RBM27: variants seen among roughly 807,000 people sequenced by gnomAD.
RBM27 encodes RNA binding motif protein 27.
A neutral mutation model predicts 135.3 loss-of-function variants in RBM27; 22 were observed. The observed-to-expected ratio is 0.16, with a 90% confidence interval of 0.12 to 0.23. RBM27 has a LOEUF of 0.23. Ranked by LOEUF, RBM27 falls within the 10% of genes least tolerant of loss-of-function variation. The pLI, the probability that RBM27 is intolerant of heterozygous loss-of-function variation, is 1.00. For synonymous variants in RBM27, 481 were observed against 442.4 expected (o/e 1.09, Z -1.10); for missense variants, 1,009 against 1,281.0 (o/e 0.79, Z 3.24).
chr5:146,212,034 C>T (rs1271665927), intron 1 of RBM27, among the ~76,000 whole-genome samples: 1 of 151,968 alleles, frequency 6.6e-6, no homozygotes, highest in Non-Finnish European at 1.5e-5. Context: ...TTATAACCAT[C>T]ACTTTGGTTT....
chr5:146,261,566 G>T lies in RBM27; in HGVS notation c.1950G>T (p.Glu650Asp). ...AALIQYLTNE[E>D]ARKAISSTEA... Reference sequence around the variant, plus strand: ...TAATCCAATATCTTACCAATGAGGAGGCCAGGAAAGCCATTTCTAGCACAG... The same window carrying T: ...TAATCCAATATCTTACCAATGAGGATGCCAGGAAAGCCATTTCTAGCACAG... The change falls in exon 13 of 21, where the codon GAG (glutamate) becomes GAT (aspartate). Residue 650 changes from glutamate to aspartate, a missense_variant. This residue lies in a region of RBM27 where 34 missense variants were observed against 82.8 expected (regional missense o/e 0.41). Coordinates refer to ENST00000265271, the MANE Select transcript of RBM27 (RefSeq NM_018989.2). 6.2e-7 allele frequency: 1 copy of T among 1,614,186 alleles called. No homozygotes were observed. The highest frequency in any genetic ancestry group is 1.3e-5 in the African/African-American group (1 of 75,060).
intron 7 of RBM27, among the ~76,000 whole-genome samples, chr5:146,236,684 C>T (rs575409222): frequency 2.0e-5 from 3 of 151,040 alleles, no homozygotes; most frequent in Non-Finnish European, 3.0e-5. Context: ...AGTGCAGTGG[C>T]GTGATTTCGG....
intron 7 of RBM27, among the ~76,000 whole-genome samples, chr5:146,235,794 C>G (rs1350573677): frequency 6.6e-6 from 1 of 151,956 alleles, no homozygotes; most frequent in Non-Finnish European, 1.5e-5. Flanking sequence ...TTGAAGGGAT[C>G]CTCCCACCTC....
chr5:146,271,677 A>G lies in RBM27; in HGVS notation c.2988+3A>G, dbSNP rs570671775. ...AAGACTTGCTTCAGCATTTCTCAGT[A>G]AGTTTTTAAAATAGCAAATGCTAAC... On this transcript the variant is annotated splice_donor_region_variant and intron_variant, in intron 19 of 20. Transcript: ENST00000265271. 8.1e-6 allele frequency: 13 copies of G among 1,605,250 alleles called. No homozygotes were observed. The African/African-American group carries it at 1.2e-4, about 15-fold the overall frequency.
At chr5:146,284,925 C>T (rs1487610199) in intron 20 of RBM27, among the ~76,000 whole-genome samples, 193 bp downstream of exon 20, 2 of 151,998 alleles carry the variant, frequency 1.3e-5, no homozygotes, top group Non-Finnish European at 2.9e-5. Flanking sequence ...GGGTTATTTT[C>T]TTCTGATATA....
At position 146,271,333 on chromosome 5, in the gene RBM27, G is replaced by A. The variant is rs180848822; in HGVS notation, c.2797-150G>A. The stretch of plus-strand genomic sequence containing the variant: ...GAGAATAGCTTGAACCTGGGAGGCA[G>A]AGGTTGCAGTGAGCCGAGATCGTGC... On this transcript the variant is annotated intron_variant, in intron 18 of 20. Coordinates refer to ENST00000265271, the MANE Select transcript of RBM27 (RefSeq NM_018989.2). The A allele has an allele frequency of 7.3e-4, 518 of 712,410 alleles. 3 individuals are homozygous for A. The African/African-American group carries it at 8.3e-3, about 11-fold the overall frequency. 44.1% of individuals were successfully genotyped at this position (712,410 alleles called of 1,614,324 possible).
At chr5:146,254,731 T>A (rs1333237311) in intron 9 of RBM27, among the ~76,000 whole-genome samples, 2 of 152,190 alleles carry the variant, frequency 1.3e-5, no homozygotes, top group Non-Finnish European at 2.9e-5. Context: ...ACCACCACCC[T>A]GTTTTATATC....
intron 14 of RBM27, among the ~76,000 whole-genome samples, chr5:146,266,204 C>G (rs1181652999): frequency 2.0e-5 from 3 of 151,996 alleles, no homozygotes; most frequent in Non-Finnish European, 4.4e-5. Flanking sequence ...CTAGATCTAC[C>G]CACTAATTTA....
At chr5:146,239,146 A>C (rs534156664) in intron 8 of RBM27, among the ~76,000 whole-genome samples, 2 of 152,236 alleles carry the variant, frequency 1.3e-5, no homozygotes. Context: ...AAACCTTCAC[A>C]GGACTGACTC....
At chr5:146,213,750 C>T (rs1307487752) in intron 1 of RBM27, among the ~76,000 whole-genome samples, 4 of 151,998 alleles carry the variant, frequency 2.6e-5, no homozygotes, top group East Asian at 3.9e-4. Context: ...GTGTAATATA[C>T]GTGCAATAGA....
At chr5:146,266,950 A>G (rs1758641838) in intron 14 of RBM27, among the ~76,000 whole-genome samples, 1 of 152,136 alleles carries the variant, frequency 6.6e-6, no homozygotes, top group Admixed American at 6.6e-5. Flanking sequence ...AAGAAAGGAA[A>G]ACTTTAAAAA....
At chr5:146,228,904 T>G (rs1488194733) in intron 3 of RBM27, 42 bp from the exon 4 acceptor site, 2 of 1,546,400 alleles carry the variant, frequency 1.3e-6, no homozygotes, top group African/African-American at 2.7e-5. Flanking sequence ...TGAGCCACCG[T>G]GCCTGGCCCT....
At chr5:146,241,379 A>G (rs1757402118) in intron 8 of RBM27, among the ~76,000 whole-genome samples, 1 of 152,262 alleles carries the variant, frequency 6.6e-6, no homozygotes. Context: ...GCCAAGGTGA[A>G]TAAGATATTA....
At chr5:146,229,504 C>A (rs1425624351) in intron 4 of RBM27, among the ~76,000 whole-genome samples, 2 of 149,534 alleles carry the variant, frequency 1.3e-5, no homozygotes, top group African/African-American at 4.9e-5. Context: ...GGATTCACCT[C>A]TTTTTTTCAT....
rs929599076 is a variant in RBM27, at chr5:146,271,336, G to A, written c.2797-147G>A. On this transcript the variant is annotated intron_variant, in intron 18 of 20. Transcript: ENST00000265271. Reference sequence around the variant, plus strand: ...AATAGCTTGAACCTGGGAGGCAGAGGTTGCAGTGAGCCGAGATCGTGCCAT... The same window carrying A: ...AATAGCTTGAACCTGGGAGGCAGAGATTGCAGTGAGCCGAGATCGTGCCAT... The A allele has an allele frequency of 9.7e-6, 7 of 722,594 alleles. No homozygotes were observed. The African/African-American group carries it at 1.1e-4, about 11-fold the overall frequency. The allele number at this position is 722,594 out of a possible 1,614,324, so 44.8% of individuals were successfully genotyped here.
chr5:146,223,325 C>G, intron 2 of RBM27, 78 bp from the exon 3 acceptor site: 1 of 1,377,112 alleles, frequency 7.3e-7, no homozygotes, highest in Non-Finnish European at 9.8e-7. Context: ...TCCTGTTTTC[C>G]TGAGCTTTGC....
intron 11 of RBM27, 48 bp from the exon 12 acceptor site, chr5:146,260,697 A>T: frequency 6.8e-7 from 1 of 1,473,434 alleles, no homozygotes; most frequent in Non-Finnish European, 9.1e-7. Flanking sequence ...TCTCTTTGCT[A>T]GGCATGAAGT....
At chr5:146,216,594 A>G (rs539378419) in intron 1 of RBM27, among the ~76,000 whole-genome samples, 1 of 152,282 alleles carries the variant, frequency 6.6e-6, no homozygotes, top group South Asian at 2.1e-4. Flanking sequence ...TGGCCTTACT[A>G]AGGTTATCTG....
chr5:146,205,292 G>A (rs1358462056), intron 1 of RBM27, among the ~76,000 whole-genome samples: 1 of 152,172 alleles, frequency 6.6e-6, no homozygotes, highest in East Asian at 1.9e-4. Context: ...ATCATGTTTT[G>A]CCTCCTCCTT....
Sources: allele counts gnomAD v4.1 joint callset (sites outside exome capture counted in the v4.1 genomes callset), GRCh38; gene constraint gnomAD v4.1.1; regional missense constraint gnomAD v4.1.1; transcripts MANE v1.5; gene names NCBI Gene and HGNC (gene_info 2026-07-23, HGNC 2026-07-21).